The following AP3B1 variants were observed in gnomAD, a reference collection of about 807,000 sequenced individuals.
AP3B1 encodes the protein AP-3 complex subunit beta-1.
In AP3B1, 61 loss-of-function variants were observed where a neutral mutation model predicts 132.5. The observed-to-expected ratio is 0.46, with a 90% CI of 0.37 to 0.57. The LOEUF (loss-of-function observed/expected upper bound fraction) is 0.57. Ranked by LOEUF, AP3B1 falls within the 20% of genes least tolerant of loss-of-function variation. The pLI, the probability that AP3B1 is intolerant of heterozygous loss-of-function variation, is 0.00. For missense variants in AP3B1, 1,120 were observed against 1,289.4 expected, an observed-to-expected ratio of 0.87 and a Z score of 2.01; for synonymous variants, 388 against 438.3, an observed-to-expected ratio of 0.89 and a Z score of 1.43.
intron 21 of AP3B1, among the ~76,000 whole-genome samples, chr5:78,097,243 T>C (rs1182009442): frequency 4.5e-5 from 3 of 66,056 alleles, no homozygotes; most frequent in Admixed American, 3.5e-4. Flanking sequence ...GGTGGGGGGG[T>C]CAGCCCCCCG....
chr5:78,006,677 G>A (rs1015369948), intron 26 of AP3B1, among the ~76,000 whole-genome samples: 6 of 152,156 alleles, frequency 3.9e-5, no homozygotes, highest in East Asian at 3.8e-4. Flanking sequence ...AAATAAGTGC[G>A]ATGACAGTTA....
intron 26 of AP3B1, among the ~76,000 whole-genome samples, chr5:78,004,021 A>G (rs1746292987): frequency 6.6e-6 from 1 of 152,122 alleles, no homozygotes; most frequent in South Asian, 2.1e-4. Context: ...CTGGAGAAAA[A>G]CAAAGTTGCT....
At chr5:78,098,006 T>G (rs1750954681) in intron 21 of AP3B1, among the ~76,000 whole-genome samples, 1 of 152,128 alleles carries the variant, frequency 6.6e-6, no homozygotes, top group Non-Finnish European at 1.5e-5. Context: ...CTCTGAAACA[T>G]GTGCTGTGTC....
intron 14 of AP3B1, among the ~76,000 whole-genome samples, chr5:78,148,319 G>A (rs1753502634): frequency 6.6e-6 from 1 of 152,092 alleles, no homozygotes; most frequent in Non-Finnish European, 1.5e-5. Flanking sequence ...AGTCTGGGGA[G>A]ATACAGAACT....
chr5:78,178,926 T>G (rs995422561), intron 8 of AP3B1, among the ~76,000 whole-genome samples: 9 of 152,202 alleles, frequency 5.9e-5, no homozygotes, highest in Admixed American at 1.3e-4. Flanking sequence ...GAACCGTTTT[T>G]AAAAATACAG....
intron 22 of AP3B1, among the ~76,000 whole-genome samples, chr5:78,056,449 C>A (rs145243379): frequency 6.6e-6 from 1 of 152,248 alleles, no homozygotes; most frequent in Admixed American, 6.5e-5. Context: ...TTTCAGCCCA[C>A]GTTAAAACAC....
intron 7 of AP3B1, among the ~76,000 whole-genome samples, chr5:78,194,620 T>C (rs1745004644): frequency 6.6e-6 from 1 of 152,166 alleles, no homozygotes; most frequent in African/African-American, 2.4e-5. Flanking sequence ...CTCTTTTACA[T>C]GGAAACATGA....
chr5:78,063,618 A>G (rs1749155440), intron 22 of AP3B1, among the ~76,000 whole-genome samples: 1 of 152,228 alleles, frequency 6.6e-6, no homozygotes, highest in Non-Finnish European at 1.5e-5. Flanking sequence ...AGGATCCAAC[A>G]AATTCTTAAA....
At chr5:78,193,742 T>TATATATATATATATA (rs1561469413) in intron 7 of AP3B1, among the ~76,000 whole-genome samples, 36 of 90,744 alleles carry the variant, frequency 4.0e-4, no homozygotes, top group Non-Finnish European at 5.6e-4. Flanking sequence ...GTATATATTT[T>TATATATATATATATA]TTTATATATA....
In AP3B1 at chr5:78,089,427, C is replaced by T; in HGVS notation, c.2543G>A (p.Gly848Asp). ...TGAAGAGGAAGTTGACAAGTGTAAA[C>T]CTTCAAGATCAGCCATCAAACTTGG... is the stretch of plus-strand genomic sequence containing the variant. ...LSPSLMADLE[G>D]LHLSTSSSVI... Residue 848 changes from glycine to aspartate, a missense_variant, in exon 22 of 27, where the codon GGT becomes GAT. By Grantham distance (94) the Gly-to-Asp change is moderately conservative (BLOSUM62 -1). Around this residue, in one of 3 missense-constraint regions of AP3B1, gnomAD observed 906 missense variants for 997.1 expected, o/e 0.91. Transcript: ENST00000255194. 20 of 1,613,150 alleles carry T rather than the reference C, an allele frequency of 1.2e-5. No individual in the cohort carries two copies. The highest frequency in any genetic ancestry group is 1.5e-5 in the Non-Finnish European group (18 of 1,179,278).
chr5:78,023,365 C>G (rs1232151707), intron 24 of AP3B1, among the ~76,000 whole-genome samples: 1 of 151,756 alleles, frequency 6.6e-6, no homozygotes, highest in Non-Finnish European at 1.5e-5. Flanking sequence ...TTGCTTAAGC[C>G]CAGGAGTTTG....
At chr5:78,261,085 T>C (rs958506957) in intron 2 of AP3B1, among the ~76,000 whole-genome samples, 5 of 152,230 alleles carry the variant, frequency 3.3e-5, no homozygotes, top group African/African-American at 1.2e-4. Context: ...TGTAGAAATA[T>C]CTGTTCAAGT....
intron 1 of AP3B1, among the ~76,000 whole-genome samples, chr5:78,278,271 T>C (rs1164001395): frequency 1.3e-5 from 2 of 152,102 alleles, no homozygotes; most frequent in African/African-American, 4.8e-5. Context: ...TTCACACAGG[T>C]ATGCAAAAAC....
At chr5:78,012,343 G>A (rs1000859755) in intron 26 of AP3B1, among the ~76,000 whole-genome samples, 3 of 135,590 alleles carry the variant, frequency 2.2e-5, no homozygotes, top group Non-Finnish European at 4.7e-5. Context: ...CAAAAAAAAA[G>A]TACAAAAGTA....
At chr5:78,046,263 G>A (rs1055736571) in intron 22 of AP3B1, among the ~76,000 whole-genome samples, 9 of 152,130 alleles carry the variant, frequency 5.9e-5, no homozygotes, top group Non-Finnish European at 1.2e-4. Flanking sequence ...TCTGCCTCCC[G>A]TCAGATCAGC....
At chr5:78,127,620 C>T (rs532470979) in intron 17 of AP3B1, among the ~76,000 whole-genome samples, 23 of 152,150 alleles carry the variant, frequency 1.5e-4, no homozygotes, top group Non-Finnish European at 2.9e-4. Flanking sequence ...AAATCTAGAA[C>T]ACTTTGTGTG....
intron 7 of AP3B1, among the ~76,000 whole-genome samples, chr5:78,208,254 G>A (rs1745594244): frequency 6.6e-6 from 1 of 152,180 alleles, no homozygotes; most frequent in Non-Finnish European, 1.5e-5. Context: ...CTCCTGGGAA[G>A]AAAATGAAGC....
intron 2 of AP3B1, among the ~76,000 whole-genome samples, chr5:78,259,246 C>CAA (rs58069551): frequency 3.7e-4 from 42 of 114,652 alleles, no homozygotes; most frequent in Admixed American, 2.7e-3. Flanking sequence ...GACTCCATCT[C>CAA]AAAAAAAAAA....
chr5:78,278,487 T>C (rs1433786732), intron 1 of AP3B1, among the ~76,000 whole-genome samples: 1 of 121,696 alleles, frequency 8.2e-6, no homozygotes, highest in African/African-American at 2.7e-5. Flanking sequence ...TAGTCCCAGC[T>C]ACTTGGGAGG....
Sources: gnomAD v4.1 joint callset for allele counts (sites outside exome capture counted in the v4.1 genomes callset) on GRCh38, gnomAD v4.1.1 for gene constraint, gnomAD v4.1.1 regional missense constraint, MANE v1.5 for transcripts, NCBI Gene and HGNC (gene_info 2026-07-23, HGNC 2026-07-21) for gene names.